Variants in AP3S1 observed in about 807,000 individuals in gnomAD.
The protein encoded by AP3S1 is adaptor related protein complex 3 subunit sigma 1, also known as AP-3 complex subunit sigma-1.
A neutral mutation model predicts 21.3 loss-of-function variants in AP3S1; 12 were observed. That is an observed-to-expected ratio of 0.56 (90% CI 0.36 to 0.91). The LOEUF (loss-of-function observed/expected upper bound fraction) is 0.91. Ranked by LOEUF, AP3S1 falls within the 40% of genes least tolerant of loss-of-function variation. The pLI is 0.01. For missense variants in AP3S1, 116 were observed against 225.0 expected (o/e 0.52, Z 3.10); for synonymous variants, 48 against 78.4 (o/e 0.61, Z 2.05).
chr5:115,900,252 C>G (rs1022756123), intron 4 of AP3S1, among the ~76,000 whole-genome samples: 2 of 151,918 alleles, frequency 1.3e-5, no homozygotes, highest in Non-Finnish European at 2.9e-5. Flanking sequence ...TAATATCCAC[C>G]AAAAAAGATC....
intron 5 of AP3S1, among the ~76,000 whole-genome samples, chr5:115,909,982 G>A (rs115389228): frequency 0.027 from 4,052 of 152,226 alleles, 189 homozygotes; most frequent in African/African-American, 0.093. Context: ...AGTCATGTGA[G>A]GCCAGGTGCA....
intron 1 of AP3S1, among the ~76,000 whole-genome samples, chr5:115,856,545 T>C (rs1762814804): frequency 6.6e-6 from 1 of 151,638 alleles, no homozygotes; most frequent in African/African-American, 2.4e-5. Context: ...AGCCTCAACC[T>C]CCAGGGCTCA....
intron 3 of AP3S1, among the ~76,000 whole-genome samples, chr5:115,883,484 A>G (rs1216020030): frequency 6.6e-6 from 1 of 152,150 alleles, no homozygotes; most frequent in Middle Eastern, 3.2e-3. Context: ...TACGCTTCCT[A>G]GGTGAGATGA....
intron 5 of AP3S1, among the ~76,000 whole-genome samples, chr5:115,904,819 A>G (rs192605562): frequency 6.6e-6 from 1 of 151,556 alleles, no homozygotes. Flanking sequence ...GCAAAACTGT[A>G]TGGTTATAGA....
At chr5:115,864,767 A>G (rs1293088228) in intron 1 of AP3S1, among the ~76,000 whole-genome samples, 1 of 152,254 alleles carries the variant, frequency 6.6e-6, no homozygotes, top group Admixed American at 6.5e-5. Flanking sequence ...AGCGCATAGC[A>G]CAACAGAGTA....
At chr5:115,902,833 C>A in intron 4 of AP3S1, 52 bp from the exon 5 acceptor site, 1 of 1,315,560 alleles carries the variant, frequency 7.6e-7, no homozygotes, top group South Asian at 1.4e-5. Flanking sequence ...AATCATGAAA[C>A]TTCTTTTTAG....
intron 5 of AP3S1, among the ~76,000 whole-genome samples, chr5:115,913,090 T>C (rs546604135): frequency 6.6e-6 from 1 of 152,308 alleles, no homozygotes; most frequent in East Asian, 1.9e-4. Context: ...GGTTTTATCA[T>C]GTGAATATTG....
intron 1 of AP3S1, among the ~76,000 whole-genome samples, chr5:115,852,091 G>T (rs971112299): frequency 2.0e-5 from 3 of 152,074 alleles, no homozygotes; most frequent in Admixed American, 6.6e-5. Flanking sequence ...CTACTTCTAA[G>T]TGGAAGATCA....
At chr5:115,851,726 G>T (rs1173362770) in intron 1 of AP3S1, among the ~76,000 whole-genome samples, 1 of 151,888 alleles carries the variant, frequency 6.6e-6, no homozygotes, top group Non-Finnish European at 1.5e-5. Flanking sequence ...GTCTCCTGTT[G>T]TATATATGAT....
At chr5:115,860,544 A>T (rs559886180) in intron 1 of AP3S1, among the ~76,000 whole-genome samples, 13 of 152,332 alleles carry the variant, frequency 8.5e-5, no homozygotes, top group African/African-American at 3.1e-4. Context: ...CTTATTTTAC[A>T]GTACTCTCTT....
chr5:115,844,514 C>G (rs1004899633), intron 1 of AP3S1, among the ~76,000 whole-genome samples: 2 of 152,136 alleles, frequency 1.3e-5, no homozygotes, highest in Non-Finnish European at 2.9e-5. Context: ...GGAAGAGCAT[C>G]CCGGGTAGAA....
chr5:115,857,722 A>T (rs970323751), intron 1 of AP3S1, among the ~76,000 whole-genome samples: 2 of 152,240 alleles, frequency 1.3e-5, no homozygotes, highest in East Asian at 1.9e-4. Context: ...TGTAGACATG[A>T]TTTATTCTGC....
At chr5:115,896,686 A>G (rs1201678597) in intron 4 of AP3S1, among the ~76,000 whole-genome samples, 3 of 152,158 alleles carry the variant, frequency 2.0e-5, no homozygotes, top group Non-Finnish European at 4.4e-5. Context: ...GGCTGAGGAA[A>G]GAGGATCACC....
At chr5:115,862,571 CTG>C (rs1763279436) in intron 1 of AP3S1, among the ~76,000 whole-genome samples, 1 of 152,164 alleles carries the variant, frequency 6.6e-6, no homozygotes, top group Non-Finnish European at 1.5e-5. Flanking sequence ...ATAAAATTAA[CTG>C]TAGTTTGTAC....
At chr5:115,911,931 G>A (rs887288529) in intron 5 of AP3S1, among the ~76,000 whole-genome samples, 1 of 151,610 alleles carries the variant, frequency 6.6e-6, no homozygotes, top group Non-Finnish European at 1.5e-5. Flanking sequence ...TATTTAATTG[G>A]GTATGGAGTT....
intron 1 of AP3S1, among the ~76,000 whole-genome samples, chr5:115,859,527 C>A (rs951537240): frequency 6.6e-6 from 1 of 152,212 alleles, no homozygotes; most frequent in African/African-American, 2.4e-5. Context: ...AGGCTACTGA[C>A]ATGATGTCAC....
chr5:115,854,350 G>A (rs1762648458), intron 1 of AP3S1, among the ~76,000 whole-genome samples: 1 of 152,164 alleles, frequency 6.6e-6, no homozygotes, highest in South Asian at 2.1e-4. Flanking sequence ...TGCATGCTAA[G>A]CATTTTTTAT....
At chr5:115,862,190 AT>A (rs1206684383) in intron 1 of AP3S1, among the ~76,000 whole-genome samples, 1 of 151,836 alleles carries the variant, frequency 6.6e-6, no homozygotes, top group East Asian at 1.9e-4. Flanking sequence ...AGGTTAAGAG[AT>A]TTTTTTTATG....
intron 5 of AP3S1, among the ~76,000 whole-genome samples, chr5:115,911,122 C>G (rs1361356896): frequency 6.6e-6 from 1 of 151,986 alleles, no homozygotes; most frequent in African/African-American, 2.4e-5. Flanking sequence ...AGCCAACAGT[C>G]GACACCATCT....
Sources: allele counts gnomAD v4.1 joint callset (sites outside exome capture counted in the v4.1 genomes callset), GRCh38; gene constraint gnomAD v4.1.1; transcripts MANE v1.5; gene names NCBI Gene and HGNC (gene_info 2026-07-23, HGNC 2026-07-21).